Variants in SKAP2 observed in about 807,000 individuals in gnomAD.
SKAP2 encodes src kinase associated phosphoprotein 2, also known as src kinase-associated phosphoprotein 2.
In SKAP2, 28 loss-of-function variants were observed where a neutral mutation model predicts 54.9. The observed-to-expected ratio is 0.51, with a 90% confidence interval of 0.38 to 0.70. The LOEUF (loss-of-function observed/expected upper bound fraction) is 0.70. Among genes scored for constraint, SKAP2 ranks in the 30% least tolerant of loss-of-function variants. The pLI, the probability that SKAP2 is intolerant of heterozygous loss-of-function variation, is 0.00. For synonymous variants in SKAP2, 137 were observed against 134.3 expected, an observed-to-expected ratio of 1.02 and a Z score of -0.14; for missense variants, 356 against 424.1, an observed-to-expected ratio of 0.84 and a Z score of 1.41.
At chr7:26,673,386 CT>C in intron 11 of SKAP2, among the ~76,000 whole-genome samples, 1 of 152,120 alleles carries the variant, frequency 6.6e-6, no homozygotes, top group African/African-American at 2.4e-5. Flanking sequence ...TATTGCATCC[CT>C]TTGTAGGACG....
intron 4 of SKAP2, among the ~76,000 whole-genome samples, chr7:26,816,927 T>G (rs950162917): frequency 6.6e-6 from 1 of 152,128 alleles, no homozygotes; most frequent in Admixed American, 6.6e-5. Flanking sequence ...GTTTGCTCAG[T>G]GCACTATCTG....
chr7:26,829,007 C>T (rs1037253559), intron 4 of SKAP2, among the ~76,000 whole-genome samples: 7 of 151,790 alleles, frequency 4.6e-5, no homozygotes, highest in Non-Finnish European at 7.4e-5. Flanking sequence ...CCAGCCTGGG[C>T]GACAGAGCGA....
chr7:26,719,834 T>C (rs1420921570), intron 9 of SKAP2, among the ~76,000 whole-genome samples: 1 of 152,168 alleles, frequency 6.6e-6, no homozygotes, highest in Non-Finnish European at 1.5e-5. Flanking sequence ...AAAAATGAAT[T>C]AACTCATATG....
chr7:26,791,028 A>C (rs560738664), intron 4 of SKAP2, among the ~76,000 whole-genome samples: 99 of 150,264 alleles, frequency 6.6e-4, no homozygotes, highest in African/African-American at 2.4e-3. Flanking sequence ...TCACATTGAG[A>C]TTGTAAAACT....
chr7:26,840,971 A>G (rs1784805817), intron 4 of SKAP2, among the ~76,000 whole-genome samples: 1 of 152,144 alleles, frequency 6.6e-6, no homozygotes, highest in African/African-American at 2.4e-5. Context: ...TACAAAGTAC[A>G]ATATTTTTAA....
intron 4 of SKAP2, among the ~76,000 whole-genome samples, chr7:26,769,315 T>C (rs1409664476): frequency 6.6e-6 from 1 of 152,230 alleles, no homozygotes; most frequent in Non-Finnish European, 1.5e-5. Context: ...AGGTCATTTA[T>C]GTTCTTCTCC....
intron 4 of SKAP2, among the ~76,000 whole-genome samples, chr7:26,766,962 T>C (rs1479192826): frequency 6.6e-6 from 1 of 152,224 alleles, no homozygotes; most frequent in Non-Finnish European, 1.5e-5. Flanking sequence ...GGTTTTGGTA[T>C]CAAGATGATG....
chr7:26,691,884 C>T (rs937926926), intron 9 of SKAP2, among the ~76,000 whole-genome samples: 10 of 152,088 alleles, frequency 6.6e-5, no homozygotes, highest in African/African-American at 2.4e-4. Context: ...AGGAGTTACG[C>T]TCATAGTTTG....
intron 4 of SKAP2, among the ~76,000 whole-genome samples, chr7:26,820,962 T>A (rs1000967430): frequency 3.3e-5 from 5 of 152,168 alleles, no homozygotes; most frequent in Non-Finnish European, 7.4e-5. Context: ...TATCCCTAAT[T>A]TTACAAATTA....
At chr7:26,679,449 T>C (rs1355650698) in intron 11 of SKAP2, among the ~76,000 whole-genome samples, 1 of 152,218 alleles carries the variant, frequency 6.6e-6, no homozygotes, top group Non-Finnish European at 1.5e-5. Context: ...TGGTTAATGC[T>C]TCCAGTGTAC....
intron 4 of SKAP2, among the ~76,000 whole-genome samples, chr7:26,756,789 C>G (rs1782804254): frequency 6.6e-6 from 1 of 152,168 alleles, no homozygotes; most frequent in African/African-American, 2.4e-5. Flanking sequence ...AGTTTACAGT[C>G]CCACCAACAG....
intron 9 of SKAP2, among the ~76,000 whole-genome samples, chr7:26,709,254 A>G (rs375476095): frequency 3.9e-5 from 6 of 152,220 alleles, no homozygotes; most frequent in African/African-American, 1.4e-4. Context: ...CTGCTAACAG[A>G]AGTGAAATGA....
chr7:26,714,710 T>C (rs1209415905), intron 9 of SKAP2, among the ~76,000 whole-genome samples: 1 of 152,272 alleles, frequency 6.6e-6, no homozygotes, highest in Non-Finnish European at 1.5e-5. Context: ...ACTCTCTTGC[T>C]GCAGTCTGTC....
At chr7:26,751,020 T>C (rs1191390559) in intron 4 of SKAP2, among the ~76,000 whole-genome samples, 2 of 152,156 alleles carry the variant, frequency 1.3e-5, no homozygotes, top group Non-Finnish European at 2.9e-5. Flanking sequence ...TGTGATATTC[T>C]TTAAACTCAT....
intron 7 of SKAP2, among the ~76,000 whole-genome samples, chr7:26,726,268 G>C (rs558251139): frequency 6.6e-6 from 1 of 152,150 alleles, no homozygotes; most frequent in East Asian, 1.9e-4. Context: ...AACAAAATTT[G>C]CCCTTGACAA....
At chr7:26,806,217 T>C (rs1784021499) in intron 4 of SKAP2, among the ~76,000 whole-genome samples, 1 of 152,166 alleles carries the variant, frequency 6.6e-6, no homozygotes, top group South Asian at 2.1e-4. Context: ...TTAATAACCC[T>C]ACAATGACTT....
At chr7:26,658,575 T>C in the SKAP2 span, among the ~76,000 whole-genome samples, 124,718 of 151,890 alleles carry the variant, frequency 0.82, 51,789 homozygotes, top group African/African-American at 0.95. Context: ...TACTTAAAAC[T>C]GACATGTTTA....
At chr7:26,773,465 A>C (rs980496010) in intron 4 of SKAP2, among the ~76,000 whole-genome samples, 5 of 152,210 alleles carry the variant, frequency 3.3e-5, no homozygotes, top group Non-Finnish European at 7.3e-5. Flanking sequence ...TACATTTCCA[A>C]AGGAACATCA....
At chr7:26,708,319 G>C (rs1254174277) in intron 9 of SKAP2, among the ~76,000 whole-genome samples, 1 of 152,222 alleles carries the variant, frequency 6.6e-6, no homozygotes, top group Admixed American at 6.5e-5. Flanking sequence ...CTTGAGCAAT[G>C]GGGTTTCTTC....
Sources: allele counts gnomAD v4.1 joint callset (sites outside exome capture counted in the v4.1 genomes callset), GRCh38; gene constraint gnomAD v4.1.1; transcripts MANE v1.5; gene names NCBI Gene and HGNC (gene_info 2026-07-23, HGNC 2026-07-21).